The following S100Z variants were observed in gnomAD, a reference collection of about 807,000 sequenced individuals.
The protein encoded by S100Z is S100 calcium binding protein Z, also known as protein S100-Z.
In S100Z, 11 loss-of-function variants were observed where a neutral mutation model predicts 8.5. That is an observed-to-expected ratio of 1.30 (90% confidence interval 0.82 to 2.15). The LOEUF is 2.15. S100Z is among the 30% of genes most tolerant of loss of function. S100Z has a pLI of 0.00. For missense variants in S100Z, 126 were observed against 117.9 expected, an observed-to-expected ratio of 1.07 and a Z score of -0.32; for synonymous variants, 34 against 43.8, an observed-to-expected ratio of 0.78 and a Z score of 0.89.
In S100Z at chr5:76,900,444, C is replaced by T. The variant is rs571658438; in HGVS notation, c.*3-20273C>T. On this transcript the variant is annotated intron_variant, in intron 4 of 4. Transcript: ENST00000317593. Reference sequence around the variant, plus strand: ...TTTTTATTCTTTTTTCTTCTGTCTCCTCTGTGTATTTTCAAGTAGCCTCTC... The same window carrying T: ...TTTTTATTCTTTTTTCTTCTGTCTCTTCTGTGTATTTTCAAGTAGCCTCTC... 3.9e-5 allele frequency among the ~76,000 whole-genome samples: 6 copies of T among 152,112 alleles called. No homozygotes were observed. The South Asian group carries it at 1.2e-3, about 32-fold the overall frequency.
chr5:76,917,503 T>G (rs1213152140), intron 4 of S100Z, among the ~76,000 whole-genome samples: 6 of 152,168 alleles, frequency 3.9e-5, no homozygotes, highest in Non-Finnish European at 8.8e-5. Flanking sequence ...CATTCAGCTA[T>G]ATGGTTTTCC....
intron 4 of S100Z, among the ~76,000 whole-genome samples, chr5:76,899,819 T>A (rs896826368): frequency 6.6e-6 from 1 of 152,242 alleles, no homozygotes; most frequent in Non-Finnish European, 1.5e-5. Context: ...TTTTTCTCTA[T>A]ACTTACTATT....
At chr5:76,915,612 AAAAT>A (rs985545485) in intron 4 of S100Z, among the ~76,000 whole-genome samples, 1 of 151,994 alleles carries the variant, frequency 6.6e-6, no homozygotes, top group Non-Finnish European at 1.5e-5. Flanking sequence ...CGTCTCAAAG[AAAAT>A]AAATAAATAA....
chr5:76,875,673 C>T (rs886814517), intron 3 of S100Z, among the ~76,000 whole-genome samples, 173 bp downstream of exon 3: 4 of 152,142 alleles, frequency 2.6e-5, no homozygotes, highest in Non-Finnish European at 5.9e-5. Flanking sequence ...TTTCTGTGTA[C>T]ATAGGCATGT....
At chr5:76,882,407 G>A (rs1351938440) in intron 4 of S100Z, among the ~76,000 whole-genome samples, 1 of 152,200 alleles carries the variant, frequency 6.6e-6, no homozygotes, top group African/African-American at 2.4e-5. Context: ...GGATGAGTTA[G>A]GGAGAGCTAG....
At chr5:76,890,859 T>C (rs1458578994) in intron 4 of S100Z, among the ~76,000 whole-genome samples, 4 of 152,174 alleles carry the variant, frequency 2.6e-5, no homozygotes, top group Non-Finnish European at 4.4e-5. Flanking sequence ...TTCAGTTTCT[T>C]CTTTTATTTA....
chr5:76,851,053 T>G (rs1366472811), intron 1 of S100Z, among the ~76,000 whole-genome samples: 1 of 152,202 alleles, frequency 6.6e-6, no homozygotes, highest in Non-Finnish European at 1.5e-5. Context: ...TAATTAACGT[T>G]GGCTACTATT....
At chr5:76,883,797 C>T (rs1021684521) in intron 4 of S100Z, among the ~76,000 whole-genome samples, 5 of 152,138 alleles carry the variant, frequency 3.3e-5, no homozygotes, top group Admixed American at 6.5e-5. Context: ...AGGAGGAGTC[C>T]CAGGCTGCGG....
At chr5:76,876,576 G>A (rs1305067153) in intron 3 of S100Z, among the ~76,000 whole-genome samples, 1 of 151,936 alleles carries the variant, frequency 6.6e-6, no homozygotes, top group African/African-American at 2.4e-5. Context: ...TCACTATGTT[G>A]GCCAGGCTGG....
Position 76,856,726 on chromosome 5 carries a change from A to G in S100Z, c.-176+6571A>G, listed in dbSNP as rs1188368374. On this transcript the variant is annotated intron_variant, in intron 1 of 4. Coordinates refer to ENST00000317593, the MANE Select transcript of S100Z (RefSeq NM_130772.4). The stretch of plus-strand genomic sequence containing the variant: ...GCTATGAAAAACACTGGCATGTTGC[A>G]AGAAGTTTTAAGTCTATGTTCCAGG... Among the ~76,000 whole-genome samples the G allele has an allele frequency of 4.6e-5, 7 of 152,246 alleles. No homozygotes were observed. The East Asian group carries it at 1.3e-3, about 29-fold the overall frequency.
intron 4 of S100Z, among the ~76,000 whole-genome samples, chr5:76,909,381 C>T (rs1744571302): frequency 6.6e-6 from 1 of 152,094 alleles, no homozygotes; most frequent in African/African-American, 2.4e-5. Flanking sequence ...GGAAAAATGG[C>T]CACCTGAAGG....
chr5:76,857,436 G>C (rs975305228), intron 1 of S100Z, among the ~76,000 whole-genome samples: 1 of 151,866 alleles, frequency 6.6e-6, no homozygotes, highest in Non-Finnish European at 1.5e-5. Flanking sequence ...TATACTCTCT[G>C]AGATGGCATT....
At chr5:76,952,799 T>C in the S100Z span, 3 of 306,770 alleles carry the variant, frequency 9.8e-6, no homozygotes, top group African/African-American at 4.1e-5. Context: ...TGCACTCCCT[T>C]ATTCTTTGTC....
chr5:76,857,081 C>G (rs887804521), intron 1 of S100Z, among the ~76,000 whole-genome samples: 2 of 152,100 alleles, frequency 1.3e-5, no homozygotes, highest in African/African-American at 4.8e-5. Context: ...AACACAAGGT[C>G]AGGAGTTCAA....
chr5:76,871,423 C>T (rs1321219836), intron 2 of S100Z, among the ~76,000 whole-genome samples: 3 of 152,068 alleles, frequency 2.0e-5, no homozygotes, highest in Non-Finnish European at 4.4e-5. Context: ...TTGGCTTCCA[C>T]AGCCCCCTTT....
In S100Z at chr5:76,857,290, CAAA is replaced by C. The variant is rs369981988; in HGVS notation, c.-176+7141_-176+7143del. ...CTGGGCAACAGGCAAGACTCCATCT[CAAA>C]AAAAAGAAGAAAGAAAAGTCACAGA... On this transcript the variant is annotated intron_variant, in intron 1 of 4. Coordinates refer to ENST00000317593, the MANE Select transcript of S100Z (RefSeq NM_130772.4). 4.3e-3 allele frequency among the ~76,000 whole-genome samples: 648 copies of C among 150,544 alleles called. 5 individuals carry two copies. Among genetic ancestry groups the C allele is most frequent in the African/African-American group, 0.014 (578 of 41,012 alleles).
At position 76,877,813 on chromosome 5, in the gene S100Z, T is replaced by C. The variant is rs557862269; in HGVS notation, c.281T>C (p.Leu94Ser). 9.4e-5 allele frequency: 151 copies of C among 1,612,752 alleles called. No individual in the cohort carries two copies. In the South Asian group the frequency reaches 1.5e-3, roughly 16 times the overall value. Residue 94 changes from leucine to serine, a missense_variant, in exon 4 of 5, where the codon TTG becomes TCG. Physicochemically the swap from Leu to Ser is moderately radical, Grantham distance 145. Coordinates refer to ENST00000317593, the MANE Select transcript of S100Z (RefSeq NM_130772.4). ...TGTAATGATTACTTTGTAGAACAAT[T>C]GAAGAAGAAAGGAAAATAAAGGTAA... The part of the protein sequence containing the change: ...VACNDYFVEQ[L>S]KKKGK
At chr5:76,913,352 T>G (rs1314795926) in intron 4 of S100Z, among the ~76,000 whole-genome samples, 1 of 152,162 alleles carries the variant, frequency 6.6e-6, no homozygotes, top group Non-Finnish European at 1.5e-5. Flanking sequence ...AAAGACACAA[T>G]GGATATTCAG....
intron 3 of S100Z, among the ~76,000 whole-genome samples, chr5:76,876,156 T>G (rs1743185265): frequency 1.3e-5 from 2 of 152,330 alleles, no homozygotes; most frequent in Middle Eastern, 6.8e-3. Context: ...CTTAAACTGA[T>G]TTTTAGCACA....
Sources: allele counts gnomAD v4.1 joint callset (sites outside exome capture counted in the v4.1 genomes callset), GRCh38; gene constraint gnomAD v4.1.1; transcripts MANE v1.5; gene names NCBI Gene and HGNC (gene_info 2026-07-23, HGNC 2026-07-21).